The following ABCA10 variants were observed in gnomAD, a reference collection of about 807,000 sequenced individuals.
ABCA10 encodes the protein ATP-binding cassette sub-family A member 10.
ABCA10 carries 169 observed loss-of-function variants against 187.5 expected under a neutral mutation model. That is an observed-to-expected ratio of 0.90 (90% CI 0.80 to 1.02). ABCA10 has a LOEUF of 1.02. Among genes scored for constraint, ABCA10 ranks in the 50% least tolerant of loss-of-function variants. The pLI is 0.00. For missense variants in ABCA10, 1,727 were observed against 1,812.4 expected, an observed-to-expected ratio of 0.95 and a Z score of 0.86; for synonymous variants, 574 against 601.8, an observed-to-expected ratio of 0.95 and a Z score of 0.68.
In ABCA10 at chr17:69,197,109, T is replaced by A; in HGVS notation, c.1189A>T (p.Ile397Leu). The A allele has an allele frequency of 6.3e-7, 1 of 1,594,100 alleles. No individual in the cohort carries two copies. The highest frequency in any genetic ancestry group is 8.6e-7 in the Non-Finnish European group (1 of 1,164,538). ...GKEAIRIRNVIKEYNGKTGKV... is the reference protein window; with the variant it reads ...GKEAIRIRNVLKEYNGKTGKV... ...CCAGTCTTTCCATTATATTCTTTTA[T>A]AACATTTCTGATTCTGAAAGAAGAT... Residue 397 changes from isoleucine (I) to leucine (L), a missense_variant, in exon 11 of 39, where the codon ATA becomes TTA. Physicochemically the swap from Ile to Leu is conservative, Grantham distance 5. Coordinates refer to ENST00000690296, the MANE Select transcript of ABCA10 (RefSeq NM_001377321.1).
rs1173187406 is a variant in ABCA10, at chr17:69,192,878, T to C, written c.1781-225A>G. Among the ~76,000 whole-genome samples the C allele has an allele frequency of 2.0e-5, 3 of 152,296 alleles. No individual in the cohort carries two copies. The East Asian group carries it at 5.8e-4, about 29-fold the overall frequency. On this transcript the variant is annotated intron_variant, in intron 15 of 38. Transcript: ENST00000690296. ...TAGCTAATCCAGTGCCTCAAAACTT[T>C]CCAAGGATGGCCTGATTCTTCACCT...
intron 29 of ABCA10, 55 bp from the exon 30 acceptor site, chr17:69,155,191 T>A: frequency 7.2e-7 from 1 of 1,380,006 alleles, no homozygotes; most frequent in Non-Finnish European, 1.0e-6. Context: ...ACTTTACGAA[T>A]TGATGTTTTA....
At chr17:69,241,729 T>C (rs2074904445) in intron 1 of ABCA10, among the ~76,000 whole-genome samples, 1 of 152,232 alleles carries the variant, frequency 6.6e-6, no homozygotes, top group African/African-American at 2.4e-5. Context: ...TCATCTAACA[T>C]ACTATGTATT....
At chr17:69,172,881 T>C (rs1195087661) in intron 25 of ABCA10, among the ~76,000 whole-genome samples, 3 of 151,928 alleles carry the variant, frequency 2.0e-5, no homozygotes, top group Admixed American at 6.6e-5. Context: ...ATAAGAACAA[T>C]AAAAGTTAAA....
rs572093866 is a variant in ABCA10, at chr17:69,169,375, C to T, written c.3163-4292G>A. Among the ~76,000 whole-genome samples the T allele has an allele frequency of 2.6e-5, 4 of 152,142 alleles. No individual in the cohort carries two copies. The South Asian group carries it at 8.3e-4, about 31-fold the overall frequency. On this transcript the variant is annotated intron_variant, in intron 25 of 38. Coordinates refer to ENST00000690296, the MANE Select transcript of ABCA10 (RefSeq NM_001377321.1). ...ACTTATATATACAAAACAGATGTTT[C>T]TAAAAGCCTAAAACAGAGAAGCAGA...
intron 27 of ABCA10, among the ~76,000 whole-genome samples, chr17:69,162,678 C>T (rs930469328): frequency 3.1e-4 from 47 of 152,028 alleles, no homozygotes; most frequent in African/African-American, 9.7e-4. Flanking sequence ...CAGTTAGTAA[C>T]GTAAAAGATA....
intron 27 of ABCA10, among the ~76,000 whole-genome samples, chr17:69,162,808 T>TATATACATATACATATACACATAC (rs2074226412): frequency 7.9e-6 from 1 of 126,294 alleles, no homozygotes; most frequent in African/African-American, 3.3e-5. Context: ...AAAAATTACA[T>TATATACATATACATATACACATAC]ATATACATAT....
chr17:69,174,586 G>C, intron 24 of ABCA10, 21 bp downstream of exon 24: 2 of 1,564,154 alleles, frequency 1.3e-6, no homozygotes. Flanking sequence ...TAATTGGCTT[G>C]TGGAAAAAAT....
At chr17:69,192,527 T>C (rs8074259) in intron 16 of ABCA10, 36 bp downstream of exon 16, 1,513,972 of 1,521,738 alleles carry the variant, frequency 0.99, 753,144 homozygotes, top group East Asian at 1. Context: ...CATATTAATA[T>C]GCTCATTTAA....
chr17:69,148,711 G>T lies in ABCA10; in HGVS notation c.*116C>A. Reference sequence around the variant, plus strand: ...AAAAATGAAAACTGTAATCATTATTGAATGTTTATTAAATGTTTTCTTTTG... The same window carrying T: ...AAAAATGAAAACTGTAATCATTATTTAATGTTTATTAAATGTTTTCTTTTG... On this transcript the variant is annotated 3_prime_UTR_variant, in exon 39 of 39. Transcript: ENST00000690296. 2.3e-6 allele frequency: 2 copies of T among 867,054 alleles called. No homozygotes were observed. The highest frequency in any genetic ancestry group is 3.5e-6 in the Non-Finnish European group (2 of 572,348). 53.7% of individuals were successfully genotyped at this position (867,054 alleles called of 1,614,324 possible).
At chr17:69,175,024 T>C (rs199569161) in intron 23 of ABCA10, among the ~76,000 whole-genome samples, 1 of 152,312 alleles carries the variant, frequency 6.6e-6, no homozygotes, top group East Asian at 1.9e-4. Flanking sequence ...CTACACTATA[T>C]ATTTTTAAAG....
chr17:69,198,678 C>T (rs1029066493), intron 10 of ABCA10, among the ~76,000 whole-genome samples: 4 of 152,144 alleles, frequency 2.6e-5, no homozygotes, highest in Non-Finnish European at 5.9e-5. Context: ...ACCTTCTCTC[C>T]TCTAACTCTT....
At chr17:69,195,430 C>A (rs1351837608) in intron 11 of ABCA10, among the ~76,000 whole-genome samples, 3 of 151,612 alleles carry the variant, frequency 2.0e-5, no homozygotes, top group South Asian at 2.1e-4. Flanking sequence ...TCCCTCATGG[C>A]AGAAACATAT....
chr17:69,177,864 G>C (rs1167167718), intron 22 of ABCA10, among the ~76,000 whole-genome samples: 2 of 149,108 alleles, frequency 1.3e-5, no homozygotes, highest in Non-Finnish European at 1.5e-5. Flanking sequence ...GCTGAGGCAG[G>C]AGAATCACTT....
At chr17:69,236,351 G>T (rs943705753) in intron 1 of ABCA10, among the ~76,000 whole-genome samples, 3 of 152,200 alleles carry the variant, frequency 2.0e-5, no homozygotes, top group Admixed American at 2.0e-4. Flanking sequence ...AACTTCACAT[G>T]TAAGAAGATA....
At chr17:69,226,656 C>CA (rs1442006857) in intron 2 of ABCA10, among the ~76,000 whole-genome samples, 1 of 151,930 alleles carries the variant, frequency 6.6e-6, no homozygotes, top group Non-Finnish European at 1.5e-5. Context: ...GAAGAGATTC[C>CA]AAAAAAGTTT....
At chr17:69,235,178 G>A (rs1356184929) in intron 1 of ABCA10, among the ~76,000 whole-genome samples, 1 of 152,114 alleles carries the variant, frequency 6.6e-6, no homozygotes, top group Non-Finnish European at 1.5e-5. Context: ...AGTTATCCCA[G>A]TTATCAATAA....
In ABCA10 at chr17:69,182,145, C is replaced by T. The variant is rs201103641; in HGVS notation, c.2769+8G>A. The T allele has an allele frequency of 2.5e-6, 4 of 1,569,896 alleles. No homozygotes were observed. Among genetic ancestry groups the T allele is most frequent in the Non-Finnish European group, 3.5e-6 (4 of 1,158,830 alleles). On this transcript the variant is annotated splice_region_variant and intron_variant, in intron 22 of 38. Coordinates refer to ENST00000690296, the MANE Select transcript of ABCA10 (RefSeq NM_001377321.1). ...TTGCCTCTTATATAAGTCGAATACT[C>T]TACTTACACGAGAAAATGAAGTGCT...
chr17:69,160,331 G>A (rs955753498), intron 27 of ABCA10, among the ~76,000 whole-genome samples: 3 of 152,150 alleles, frequency 2.0e-5, no homozygotes, highest in East Asian at 1.9e-4. Context: ...AATAATGGCC[G>A]GGCACGGTGG....
Sources: allele counts gnomAD v4.1 joint callset (sites outside exome capture counted in the v4.1 genomes callset), GRCh38; gene constraint gnomAD v4.1.1; transcripts MANE v1.5; gene names NCBI Gene and HGNC (gene_info 2026-07-23, HGNC 2026-07-21).